Variants in GATA4 observed in about 807,000 individuals in gnomAD.
GATA4 encodes GATA binding protein 4.
A neutral mutation model predicts 37.9 loss-of-function variants in GATA4; 7 were observed. The ratio of observed to expected loss-of-function variants is 0.18; its 90% CI spans 0.11 to 0.35. The LOEUF is 0.35. Among genes scored for constraint, GATA4 ranks in the 10% least tolerant of loss-of-function variants. GATA4 has a pLI of 1.00. For synonymous variants in GATA4, 372 were observed against 292.6 expected (o/e 1.27, Z -2.77); for missense variants, 647 against 653.0 (o/e 0.99, Z 0.10).
chr8:11,753,678 G>A (rs1180453251), intron 4 of GATA4, among the ~76,000 whole-genome samples: 1 of 152,058 alleles, frequency 6.6e-6, no homozygotes, highest in Non-Finnish European at 1.5e-5. Flanking sequence ...AGATGGTGGG[G>A]TCGGGGGGTG....
intron 2 of GATA4, among the ~76,000 whole-genome samples, chr8:11,748,134 C>T (rs1001535809): frequency 1.3e-5 from 2 of 152,162 alleles, no homozygotes; most frequent in Admixed American, 6.5e-5. Context: ...AGGAGAATCG[C>T]GTGAACGTGG....
chr8:11,688,081 C>G (rs1799197431), upstream of GATA4, among the ~76,000 whole-genome samples: 1 of 152,182 alleles, frequency 6.6e-6, no homozygotes, highest in Non-Finnish European at 1.5e-5. Flanking sequence ...ATAGATTCAG[C>G]AGATAAGTAG....
At chr8:11,699,146 C>G (rs989809106) in intron 1 of GATA4, among the ~76,000 whole-genome samples, 1 of 152,136 alleles carries the variant, frequency 6.6e-6, no homozygotes, top group African/African-American at 2.4e-5. Context: ...CAGAGCATAC[C>G]TTTTGGGGGT....
upstream of GATA4, among the ~76,000 whole-genome samples, chr8:11,688,616 C>T (rs889186084): frequency 1.3e-5 from 2 of 152,072 alleles, no homozygotes; most frequent in Non-Finnish European, 2.9e-5. Flanking sequence ...CAGTGGGTGT[C>T]AGGGGAGTGT....
At chr8:11,691,481 T>A (rs936383743), upstream of GATA4, among the ~76,000 whole-genome samples, 1 of 152,218 alleles carries the variant, frequency 6.6e-6, no homozygotes, top group East Asian at 1.9e-4. Flanking sequence ...TTTCTATTCC[T>A]TATTAAAGAT....
upstream of GATA4, among the ~76,000 whole-genome samples, chr8:11,691,249 T>C (rs1799303562): frequency 1.3e-5 from 2 of 152,230 alleles, no homozygotes. Flanking sequence ...TTTTAGTTCC[T>C]CACTGAACAT....
Position 11,709,507 on chromosome 8 carries a change from G to T in GATA4, c.616+579G>T, listed in dbSNP as rs901547249. ...TGGACAAAGGAGACGCCGGGGAGAT[G>T]CGCGGAACAGGAGCCGGCACTGTGC... On this transcript the variant is annotated intron_variant, in intron 2 of 6. Coordinates refer to ENST00000532059, the MANE Select transcript of GATA4 (RefSeq NM_001308093.3). The surrounding 1 kb of genome is among the most constrained non-coding windows in gnomAD (Gnocchi z 4.3). 6.6e-6 allele frequency among the ~76,000 whole-genome samples: 1 copy of T among 151,238 alleles called. No homozygotes were observed.
At chr8:11,710,898 G>A (rs1297362140) in intron 2 of GATA4, among the ~76,000 whole-genome samples, 1 of 152,120 alleles carries the variant, frequency 6.6e-6, no homozygotes, top group Non-Finnish European at 1.5e-5. Context: ...GAGGCAGGCG[G>A]ATCACAAGGT....
intron 1 of GATA4, among the ~76,000 whole-genome samples, chr8:11,697,337 A>G (rs1032984967): frequency 3.3e-5 from 5 of 152,268 alleles, no homozygotes; most frequent in African/African-American, 9.6e-5. Context: ...CATTCCGTTC[A>G]GAACACAGTG....
At chr8:11,678,712 C>T (rs1288302357) in intron 1 of GATA4, among the ~76,000 whole-genome samples, 1 of 152,160 alleles carries the variant, frequency 6.6e-6, no homozygotes, top group Non-Finnish European at 1.5e-5. Context: ...CTGCTGGTCT[C>T]ATTTTGATAA....
At chr8:11,688,707 C>T (rs1404588916), upstream of GATA4, among the ~76,000 whole-genome samples, 6 of 152,132 alleles carry the variant, frequency 3.9e-5, no homozygotes, top group Non-Finnish European at 5.9e-5. Flanking sequence ...GAGGAGGTGG[C>T]CTTGCCTCAA....
At chr8:11,693,699 A>C (rs1488561678) in intron 1 of GATA4, among the ~76,000 whole-genome samples, 1 of 152,080 alleles carries the variant, frequency 6.6e-6, no homozygotes, top group African/African-American at 2.4e-5. Context: ...GAGGTGATGG[A>C]AACTATACTG....
At position 11,748,632 on chromosome 8, in the gene GATA4, T is replaced by A. The variant is rs139103737; in HGVS notation, c.617-284T>A. Among the ~76,000 whole-genome samples, 701 of 152,312 alleles carry A rather than the reference T, an allele frequency of 4.6e-3. 5 individuals carry two copies. Among genetic ancestry groups the A allele is most frequent in the African/African-American group, 0.016 (660 of 41,556 alleles). ...GAGGCCTAGGGCTGGAGGCTCTGAA[T>A]GTGATACCTGCACTGAAATCCAGGT... On this transcript the variant is annotated intron_variant, in intron 2 of 6. Transcript: ENST00000532059.
At chr8:11,692,879 C>G in intron 1 of GATA4, 4 of 981,076 alleles carry the variant, frequency 4.1e-6, no homozygotes, top group Non-Finnish European at 4.8e-6. Context: ...GAGTTTGCGC[C>G]GCCCGCCGCC....
At chr8:11,680,279 C>G (rs945747061) in intron 1 of GATA4, among the ~76,000 whole-genome samples, 1 of 152,228 alleles carries the variant, frequency 6.6e-6, no homozygotes, top group Non-Finnish European at 1.5e-5. Flanking sequence ...GCCGGTGGAG[C>G]AGGCTACTTC....
chr8:11,749,320 T>C lies in GATA4; in HGVS notation c.786+235T>C, dbSNP rs1381655947. Among the ~76,000 whole-genome samples, 1 of 152,236 alleles carries C rather than the reference T, an allele frequency of 6.6e-6. No homozygotes were observed. Among genetic ancestry groups the C allele is most frequent in the Non-Finnish European group, 1.5e-5 (1 of 68,048 alleles). On this transcript the variant is annotated intron_variant, in intron 3 of 6. Coordinates refer to ENST00000532059, the MANE Select transcript of GATA4 (RefSeq NM_001308093.3). This position sits in a 1 kb window ranked among gnomAD's most constrained non-coding sequence, Gnocchi z 4.6. ...AACTGAAAGTGAGGCTCAGAAAAGC[T>C]AGTGGCCTTGCCCACAGCCACTCAG...
intron 1 of GATA4, among the ~76,000 whole-genome samples, chr8:11,678,004 C>A (rs1798836274): frequency 7.2e-6 from 1 of 139,272 alleles, no homozygotes; most frequent in African/African-American, 2.7e-5. Context: ...GAGAAAAGGG[C>A]TGAGTCAAAA....
intron 2 of GATA4, among the ~76,000 whole-genome samples, chr8:11,719,632 T>C (rs942035664): frequency 6.6e-6 from 1 of 152,212 alleles, no homozygotes; most frequent in African/African-American, 2.4e-5. Flanking sequence ...TGTTAGGCAT[T>C]AATCCTTGAC....
chr8:11,730,086 C>G (rs1254692754), intron 2 of GATA4, among the ~76,000 whole-genome samples: 1 of 152,018 alleles, frequency 6.6e-6, no homozygotes, highest in East Asian at 1.9e-4. Context: ...CAGCTAACGT[C>G]TATATTTTTT....
Sources: gnomAD v4.1 joint callset for allele counts (sites outside exome capture counted in the v4.1 genomes callset) on GRCh38, gnomAD v4.1.1 for gene constraint, Gnocchi (gnomAD v3.1) non-coding constraint, MANE v1.5 for transcripts, NCBI Gene and HGNC (gene_info 2026-07-23, HGNC 2026-07-21) for gene names.